PZP: variants seen among roughly 807,000 people sequenced by gnomAD.
The protein encoded by PZP is pregnancy zone protein.
A neutral mutation model predicts 179.8 loss-of-function variants in PZP; 150 were observed. The ratio of observed to expected loss-of-function variants is 0.83; its 90% CI spans 0.73 to 0.96. The LOEUF is 0.96. PZP is among the 40% of genes least tolerant of loss of function. The pLI is 0.00. For missense variants in PZP, 1,689 were observed against 1,764.0 expected (o/e 0.96, Z 0.76); for synonymous variants, 624 against 652.3 (o/e 0.96, Z 0.66).
intron 34 of PZP, 56 bp from the exon 35 acceptor site, chr12:9,149,658 T>G: frequency 6.4e-7 from 1 of 1,559,976 alleles, no homozygotes; most frequent in Middle Eastern, 1.7e-4. Context: ...CTAGGGACCA[T>G]GCTAAATCTG....
At chr12:9,190,975 ATAACTAT>A (rs1444040817) in intron 13 of PZP, among the ~76,000 whole-genome samples, 1 of 152,168 alleles carries the variant, frequency 6.6e-6, no homozygotes, top group Non-Finnish European at 1.5e-5. Context: ...TCGGTAATTA[ATAACTAT>A]TAAAATATGT....
At chr12:9,150,774 A>G in intron 33 of PZP, 28 bp from the exon 34 acceptor site, 1 of 1,375,402 alleles carries the variant, frequency 7.3e-7, no homozygotes, top group Non-Finnish European at 1.0e-6. Flanking sequence ...AGTAATCAAG[A>G]ACCTAGAAAA....
rs777194260 is a variant in PZP, at chr12:9,165,249, GGA to G, written c.2375_2376del (p.Leu792ProfsTer66). The G allele has an allele frequency of 6.2e-7, 1 of 1,614,148 alleles. No individual in the cohort carries two copies. Among genetic ancestry groups the G allele is most frequent in the South Asian group, 1.1e-5 (1 of 91,084 alleles). ...TCCACAAAGAAGGGCTGGAAGGCTC[GGA>G]GAGAGGCAGTGGAAGAGATACCAAG... ...AGLGISSTAS[L>X]RAFQPFFVEL... On this transcript the variant is annotated frameshift_variant, in exon 19 of 36. Transcript: ENST00000261336. LOFTEE classifies it high-confidence loss of function.
At chr12:9,163,449 T>C (rs1470034571) in intron 21 of PZP, among the ~76,000 whole-genome samples, 1 of 129,910 alleles carries the variant, frequency 7.7e-6, no homozygotes, top group Non-Finnish European at 1.7e-5. Flanking sequence ...CAAAACTCCG[T>C]CTCAAAAAAA....
At chr12:9,163,990 G>T (rs1941403831) in intron 20 of PZP, 143 bp downstream of exon 20, 9 of 1,245,876 alleles carry the variant, frequency 7.2e-6, no homozygotes, top group Non-Finnish European at 9.9e-6. Context: ...GTGGGAGGAG[G>T]TCATAGTGGA....
rs930396582 is a variant in PZP, at chr12:9,170,920, C to G, written c.1840-1329G>C. Among the ~76,000 whole-genome samples the G allele has an allele frequency of 1.3e-5, 2 of 152,206 alleles. No individual in the cohort carries two copies. Among genetic ancestry groups the G allele is most frequent in the African/African-American group, 4.8e-5 (2 of 41,454 alleles). Reference sequence around the variant, plus strand: ...GTTTGGTTGACTCTGCCACTCCAACCTGCTGGCTTTGGAGAATACAGGTGA... The same window carrying G: ...GTTTGGTTGACTCTGCCACTCCAACGTGCTGGCTTTGGAGAATACAGGTGA... On this transcript the variant is annotated intron_variant, in intron 15 of 35. Transcript: ENST00000261336. This position sits in a 1 kb window ranked among gnomAD's most constrained non-coding sequence, Gnocchi z 4.6.
At position 9,196,382 on chromosome 12, in the gene PZP, T is replaced by C. The variant is rs760946549; in HGVS notation, c.1040A>G (p.Lys347Arg). 1.9e-6 allele frequency: 3 copies of C among 1,613,796 alleles called. No homozygotes were observed. The Admixed American group carries it at 5.0e-5, about 27-fold the overall frequency. Residue 347 changes from lysine to arginine, a missense_variant, in exon 10 of 36, where the codon AAA becomes AGA. Lys to Arg is a conservative substitution (Grantham distance 26, BLOSUM62 2). Coordinates refer to ENST00000261336, the MANE Select transcript of PZP (RefSeq NM_002864.3). ...SEITNIVSKL[K>R]FVKVDSHFRQ... ...AAAGTGTGAATCCACTTTCACGAAT[T>C]TGAGTTTGGATACAATGTTTGTGAT...
At chr12:9,199,756 T>C (rs189252023) in intron 7 of PZP, among the ~76,000 whole-genome samples, 23 of 152,172 alleles carry the variant, frequency 1.5e-4, no homozygotes, top group South Asian at 4.1e-4. Flanking sequence ...GAGGAGGAAA[T>C]GGGACAAAAA....
intron 18 of PZP, among the ~76,000 whole-genome samples, chr12:9,165,764 C>T (rs192536383): frequency 6.6e-6 from 1 of 152,198 alleles, no homozygotes; most frequent in East Asian, 1.9e-4. Context: ...CTGATATTTA[C>T]AGAAGGCTCC....
chr12:9,142,338 T>G, the PZP span, among the ~76,000 whole-genome samples: 1 of 152,208 alleles, frequency 6.6e-6, no homozygotes, highest in Non-Finnish European at 1.5e-5. Context: ...GCAAAGATTA[T>G]TCTGTTTGGG....
Position 9,166,075 on chromosome 12 carries a change from C to T in PZP, c.2235G>A (p.Trp745Ter), listed in dbSNP as rs1170061284. The change falls in exon 18 of 36, where the codon TGG becomes TGA. Residue 745 changes from tryptophan to a stop codon, truncating the protein, a stop_gained. Transcript: ENST00000261336. LOFTEE classifies it high-confidence loss of function. The part of the protein sequence containing the change: ...ETVRSYFPET[W>*]IWELVAVNSS... ...ACTTCACTGCCACCAACTCCCAGAT[C>T]CAAGTCTCAGGAAAATAGCTTCGCA... The T allele has an allele frequency of 6.2e-7, 1 of 1,609,788 alleles. No individual in the cohort carries two copies. Among genetic ancestry groups the T allele is most frequent in the Non-Finnish European group, 8.5e-7 (1 of 1,179,132 alleles).
chr12:9,194,563 C>A (rs1271341828), intron 10 of PZP, among the ~76,000 whole-genome samples: 3 of 149,130 alleles, frequency 2.0e-5, no homozygotes, highest in African/African-American at 4.9e-5. Flanking sequence ...CTCCTGGACT[C>A]ACGCCATTCT....
At chr12:9,184,086 A>C (rs1427111188) in intron 13 of PZP, among the ~76,000 whole-genome samples, 1 of 152,248 alleles carries the variant, frequency 6.6e-6, no homozygotes. Flanking sequence ...TTTATGGCAA[A>C]GAATAGTGGT....
At chr12:9,191,832 AT>A (rs1052793974) in intron 13 of PZP, among the ~76,000 whole-genome samples, 1 of 152,118 alleles carries the variant, frequency 6.6e-6, no homozygotes, top group African/African-American at 2.4e-5. Flanking sequence ...CCCATTTCCC[AT>A]GATAATTACT....
chr12:9,194,071 A>T lies in PZP; in HGVS notation c.1254+6T>A, dbSNP rs747766526. 4.8e-5 allele frequency: 78 copies of T among 1,610,944 alleles called. 1 individual carries two copies. In the South Asian group the frequency reaches 8.4e-4, roughly 17 times the overall value. ...TGTCCTCAGAGATTTGTCTTTCTAT[A>T]CTTACCCGGACAAAAAGTTTATTAA... On this transcript the variant is annotated splice_donor_region_variant and intron_variant, in intron 11 of 35. Coordinates refer to ENST00000261336, the MANE Select transcript of PZP (RefSeq NM_002864.3).
chr12:9,192,488 T>C (rs774807133), intron 12 of PZP, 24 bp downstream of exon 12: 2 of 1,592,530 alleles, frequency 1.3e-6, no homozygotes, highest in Non-Finnish European at 1.7e-6. Context: ...AAGCTGCAAT[T>C]GTATTCCATG....
At position 9,157,280 on chromosome 12, in the gene PZP, G is replaced by T; in HGVS notation, c.3445C>A (p.His1149Asn). The change falls in exon 28 of 36, where the codon CAT (histidine) becomes AAT (asparagine). Residue 1149 changes from histidine to asparagine, a missense_variant. Physicochemically the swap from His to Asn is moderately conservative, Grantham distance 68. This residue lies in a region of PZP where 746 missense variants were observed against 749.2 expected (regional missense o/e 1.00). Transcript: ENST00000261336. ...NVAKEGTHGS[H>N]VYTKALLAYA... ...GCCAGCAATGCCTTGGTGTAGACAT[G>T]GCTCCCATGGGTCCCCTCCTTTGCT... 1 of 1,613,996 alleles carries T rather than the reference G, an allele frequency of 6.2e-7. No individual in the cohort carries two copies. The highest frequency in any genetic ancestry group is 8.5e-7 in the Non-Finnish European group (1 of 1,179,930).
chr12:9,179,854 T>A (rs1455125987), intron 15 of PZP, among the ~76,000 whole-genome samples: 1 of 152,256 alleles, frequency 6.6e-6, no homozygotes, highest in Non-Finnish European at 1.5e-5. Flanking sequence ...AAGATTTGAT[T>A]CTTTACAGAA....
chr12:9,207,312 A>G lies in PZP; in HGVS notation c.83+947T>C, dbSNP rs151136213. On this transcript the variant is annotated intron_variant, in intron 1 of 35. Coordinates refer to ENST00000261336, the MANE Select transcript of PZP (RefSeq NM_002864.3). ...AGAGAGGTAGAAGTTTAACCTCTCC[A>G]GGACACCTCAGTGCCTATGTGCTAT... 9.8e-5 allele frequency among the ~76,000 whole-genome samples: 15 copies of G among 152,334 alleles called. 1 individual carries two copies. Among genetic ancestry groups the G allele is most frequent in the African/African-American group, 3.6e-4 (15 of 41,572 alleles).
Sources: gnomAD v4.1 joint callset for allele counts (sites outside exome capture counted in the v4.1 genomes callset) on GRCh38, gnomAD v4.1.1 for gene constraint, gnomAD v4.1.1 regional missense constraint, Gnocchi (gnomAD v3.1) non-coding constraint, MANE v1.5 for transcripts, NCBI Gene and HGNC (gene_info 2026-07-23, HGNC 2026-07-21) for gene names.